BNC2: variants seen among roughly 807,000 people sequenced by gnomAD.
BNC2 encodes basonuclin zinc finger protein 2.
In BNC2, 20 loss-of-function variants were observed where a neutral mutation model predicts 76.3. That is an observed-to-expected ratio of 0.26 (90% CI 0.18 to 0.38). The LOEUF (loss-of-function observed/expected upper bound fraction) is 0.38. Among genes scored for constraint, BNC2 ranks in the 10% least tolerant of loss-of-function variants. BNC2 has a pLI of 1.00. For missense variants in BNC2, 1,382 were observed against 1,399.8 expected, an observed-to-expected ratio of 0.99 and a Z score of 0.20; for synonymous variants, 582 against 514.8, an observed-to-expected ratio of 1.13 and a Z score of -1.77.
chr9:16,576,801 A>C (rs1467039606), intron 4 of BNC2, among the ~76,000 whole-genome samples: 3 of 152,206 alleles, frequency 2.0e-5, no homozygotes, highest in Admixed American at 2.0e-4. Flanking sequence ...GCAATGGCAC[A>C]ATCTCGGCTC....
intron 3 of BNC2, among the ~76,000 whole-genome samples, chr9:16,656,448 A>C (rs1431375255): frequency 6.6e-6 from 1 of 152,160 alleles, no homozygotes; most frequent in Non-Finnish European, 1.5e-5. Flanking sequence ...AGCCTCAAGA[A>C]TGTTGAAAGT....
intron 5 of BNC2, among the ~76,000 whole-genome samples, chr9:16,529,335 T>C (rs999901185): frequency 1.3e-5 from 2 of 152,148 alleles, no homozygotes; most frequent in African/African-American, 4.8e-5. Context: ...AAAATATACA[T>C]AGAATGAATC....
At chr9:16,699,819 C>T (rs565151972) in intron 3 of BNC2, among the ~76,000 whole-genome samples, 1 of 152,308 alleles carries the variant, frequency 6.6e-6, no homozygotes, top group South Asian at 2.1e-4. Flanking sequence ...AGTCTGGACT[C>T]TTCTCACTAT....
chr9:16,771,081 A>G (rs760316092), intron 1 of BNC2, among the ~76,000 whole-genome samples: 3 of 152,116 alleles, frequency 2.0e-5, no homozygotes, highest in Non-Finnish European at 4.4e-5. Flanking sequence ...AGGCACAAGA[A>G]TCGCTTGAAC....
chr9:16,811,271 C>CCAGG (rs1204337957), intron 1 of BNC2, among the ~76,000 whole-genome samples: 2 of 139,844 alleles, frequency 1.4e-5, no homozygotes, highest in South Asian at 2.2e-4. Context: ...GTATAGGGGG[C>CCAGG]CAGGCACGGT....
rs72704068 is a variant in BNC2 at position 16,639,507 on chromosome 9, T to C, written c.331-56422A>G. The stretch of plus-strand genomic sequence containing the variant: ...TACCACTATATTCTTTTCTATTATC[T>C]TTATGTTAGTGCCTCTTCGTTAATT... On this transcript the variant is annotated intron_variant, in intron 3 of 6. Transcript: ENST00000380672. 6.3e-3 allele frequency among the ~76,000 whole-genome samples: 953 copies of C among 152,294 alleles called. 4 individuals carry two copies. The highest frequency in any genetic ancestry group is 0.011 in the Non-Finnish European group (767 of 68,030).
intron 1 of BNC2, among the ~76,000 whole-genome samples, chr9:16,742,935 G>A (rs1342138421): frequency 1.3e-5 from 2 of 152,138 alleles, no homozygotes; most frequent in African/African-American, 4.8e-5. Flanking sequence ...TAACTGAATG[G>A]GGGATGGAAA....
chr9:16,658,114 G>C (rs1293306779), intron 3 of BNC2, among the ~76,000 whole-genome samples: 1 of 152,112 alleles, frequency 6.6e-6, no homozygotes, highest in African/African-American at 2.4e-5. Flanking sequence ...CAAGGGAATG[G>C]GGACATCTCT....
intron 5 of BNC2, among the ~76,000 whole-genome samples, chr9:16,511,094 C>A (rs1483028698): frequency 2.7e-5 from 4 of 147,710 alleles, no homozygotes; most frequent in Admixed American, 1.4e-4. Context: ...TAATGGAGAT[C>A]ACTAAACTTA....
At chr9:16,770,748 C>T (rs1371441136) in intron 1 of BNC2, among the ~76,000 whole-genome samples, 2 of 152,158 alleles carry the variant, frequency 1.3e-5, no homozygotes, top group South Asian at 2.1e-4. Context: ...GCCTGTAGAG[C>T]CAGCTACTCA....
intron 5 of BNC2, among the ~76,000 whole-genome samples, chr9:16,541,948 C>T (rs1213114950): frequency 9.2e-5 from 14 of 152,012 alleles, no homozygotes; most frequent in African/African-American, 1.9e-4. Context: ...ATGCAATATA[C>T]GCCAGTCTTC....
At chr9:16,850,383 G>T (rs150444006) in intron 1 of BNC2, among the ~76,000 whole-genome samples, 1 of 152,122 alleles carries the variant, frequency 6.6e-6, no homozygotes, top group Admixed American at 6.5e-5. Context: ...TAGTGAAATG[G>T]CTTTTTATAG....
At chr9:16,560,284 T>C (rs529537229) in intron 4 of BNC2, among the ~76,000 whole-genome samples, 2 of 152,282 alleles carry the variant, frequency 1.3e-5, no homozygotes, top group Admixed American at 6.5e-5. Context: ...TGCAGCAAAA[T>C]AGTTGGAAAT....
At chr9:16,605,365 T>C (rs1468041016) in intron 3 of BNC2, among the ~76,000 whole-genome samples, 4 of 152,242 alleles carry the variant, frequency 2.6e-5, no homozygotes, top group Non-Finnish European at 1.5e-5. Context: ...ATCCTGACTT[T>C]TCCCTCTTAG....
At chr9:16,777,946 C>A (rs148629768) in intron 1 of BNC2, among the ~76,000 whole-genome samples, 1 of 152,154 alleles carries the variant, frequency 6.6e-6, no homozygotes, top group East Asian at 1.9e-4. Context: ...AATGAGAAAA[C>A]AGCAATTAAA....
intron 5 of BNC2, among the ~76,000 whole-genome samples, chr9:16,439,817 A>ACAT (rs1821090164): frequency 6.6e-6 from 1 of 152,224 alleles, no homozygotes; most frequent in Admixed American, 6.5e-5. Context: ...GAGTACGTGC[A>ACAT]TGTGGGTGTC....
At chr9:16,559,663 G>A (rs1192955021) in intron 4 of BNC2, among the ~76,000 whole-genome samples, 1 of 152,142 alleles carries the variant, frequency 6.6e-6, no homozygotes, top group African/African-American at 2.4e-5. Flanking sequence ...CATTTCAAAG[G>A]TCACCAACAC....
At chr9:16,439,078 G>A (rs908227402) in intron 5 of BNC2, among the ~76,000 whole-genome samples, 9 of 152,100 alleles carry the variant, frequency 5.9e-5, no homozygotes, top group East Asian at 1.9e-4. Context: ...ATTCCCCTGC[G>A]CATGCTCTTG....
intron 6 of BNC2, among the ~76,000 whole-genome samples, chr9:16,428,595 A>C (rs1333556737): frequency 1.3e-5 from 2 of 152,228 alleles, no homozygotes; most frequent in African/African-American, 4.8e-5. Context: ...GTGGCTGGTA[A>C]TAATTCAGAT....
Sources: gnomAD v4.1 joint callset for allele counts (sites outside exome capture counted in the v4.1 genomes callset) on GRCh38, gnomAD v4.1.1 for gene constraint, MANE v1.5 for transcripts, NCBI Gene and HGNC (gene_info 2026-07-23, HGNC 2026-07-21) for gene names.